Variants in C1orf185 observed in about 807,000 individuals in gnomAD.
C1orf185 encodes uncharacterized protein C1orf185.
In C1orf185, 13 loss-of-function variants were observed where a neutral mutation model predicts 16.1. The ratio of observed to expected loss-of-function variants is 0.81; its 90% CI spans 0.53 to 1.28. C1orf185 has a LOEUF of 1.28. C1orf185 is among the 50% of genes most tolerant of loss of function. C1orf185 has a pLI of 0.00. For missense variants in C1orf185, 220 were observed against 225.2 expected (o/e 0.98, Z 0.15); for synonymous variants, 80 against 76.9 (o/e 1.04, Z -0.21).
At chr1:51,120,275 T>C (rs1014817679) in intron 3 of C1orf185, among the ~76,000 whole-genome samples, 1 of 152,200 alleles carries the variant, frequency 6.6e-6, no homozygotes, top group African/African-American at 2.4e-5. Context: ...TGAAGGATTA[T>C]AGTAATATGG....
intron 3 of C1orf185, among the ~76,000 whole-genome samples, chr1:51,136,659 T>G (rs1646327376): frequency 6.6e-6 from 1 of 152,136 alleles, no homozygotes; most frequent in African/African-American, 2.4e-5. Context: ...GGGGGAAGAA[T>G]TCCCTATTCA....
chr1:51,123,693 A>C lies in C1orf185; in HGVS notation c.258+4892A>C, dbSNP rs149481411. 3.0e-4 allele frequency among the ~76,000 whole-genome samples: 45 copies of C among 152,208 alleles called. No individual in the cohort carries two copies. In the East Asian group the frequency reaches 5.6e-3, roughly 19 times the overall value. On this transcript the variant is annotated intron_variant, in intron 3 of 4. Transcript: ENST00000371759. ...GCATTTGTTGTTGTCAGTGTTTTGG[A>C]GTTTCACCATTCTAACAAATGTGTA...
chr1:51,122,753 T>C (rs1190367531), intron 3 of C1orf185, among the ~76,000 whole-genome samples: 1 of 152,230 alleles, frequency 6.6e-6, no homozygotes, highest in South Asian at 2.1e-4. Flanking sequence ...TCCCTCCCTC[T>C]GCTCTAACCC....
downstream of C1orf185, among the ~76,000 whole-genome samples, chr1:51,148,938 G>T (rs1646417301): frequency 6.6e-6 from 1 of 152,010 alleles, no homozygotes; most frequent in African/African-American, 2.4e-5. Context: ...TCAAAAAAAA[G>T]AATTTAGAAA....
chr1:51,146,203 A>C (rs1646399637), intron 4 of C1orf185, among the ~76,000 whole-genome samples: 1 of 152,128 alleles, frequency 6.6e-6, no homozygotes, highest in African/African-American at 2.4e-5. Context: ...TCATGCCTAT[A>C]ATCCCAGCAC....
intron 2 of C1orf185, among the ~76,000 whole-genome samples, chr1:51,114,836 A>G (rs1646146399): frequency 6.6e-6 from 1 of 152,248 alleles, no homozygotes; most frequent in South Asian, 2.1e-4. Flanking sequence ...ATGTACAGCT[A>G]TCAGTTTCAA....
At chr1:51,128,674 C>G (rs555360170) in intron 3 of C1orf185, among the ~76,000 whole-genome samples, 12 of 152,010 alleles carry the variant, frequency 7.9e-5, no homozygotes, top group African/African-American at 2.9e-4. Flanking sequence ...GCCTGGGTGA[C>G]AGAGCAAGAC....
chr1:51,142,091 T>G (rs2148032131), intron 3 of C1orf185, among the ~76,000 whole-genome samples: 1 of 152,326 alleles, frequency 6.6e-6, no homozygotes, highest in Middle Eastern at 3.4e-3. Flanking sequence ...CTCGCTTATA[T>G]TTTTAGAGCT....
intron 3 of C1orf185, among the ~76,000 whole-genome samples, chr1:51,131,784 C>T (rs563594181): frequency 2.0e-5 from 3 of 152,194 alleles, no homozygotes; most frequent in South Asian, 2.1e-4. Flanking sequence ...TAGAAATAGT[C>T]GTTTTCTGGC....
chr1:51,147,506 C>CA lies in C1orf185; in HGVS notation c.341dup (p.Asn114LysfsTer5), dbSNP rs1646408694. The CA allele has an allele frequency of 3.2e-6, 5 of 1,542,842 alleles. No individual in the cohort carries two copies. The highest frequency in any genetic ancestry group is 4.1e-5 in the Admixed American group (2 of 48,636). On this transcript the variant is annotated frameshift_variant, in exon 5 of 5. Coordinates refer to ENST00000371759, the MANE Select transcript of C1orf185 (RefSeq NM_001136508.2). LOFTEE classifies it low-confidence loss of function (END_TRUNC). ...TCTAAAGATGAACCCCAACTTGCAA[C>CA]AAAAAATATCATTTGTGATCCCTCA...
chr1:51,131,447 T>C (rs891057702), intron 3 of C1orf185, among the ~76,000 whole-genome samples: 2 of 152,184 alleles, frequency 1.3e-5, no homozygotes, highest in Admixed American at 6.5e-5. Flanking sequence ...AGTTTGTCAC[T>C]TTCTGGAGTT....
Position 51,147,892 on chromosome 1 carries a change from C to A in C1orf185, c.*121C>A. On this transcript the variant is annotated 3_prime_UTR_variant, in exon 5 of 5. Coordinates refer to ENST00000371759, the MANE Select transcript of C1orf185 (RefSeq NM_001136508.2). ...CTTTTGAAACCTTGTATACAATCAG[C>A]TTCTGAGTCTCTTAACATGTCCATG... 4.5e-6 allele frequency: 4 copies of A among 895,260 alleles called. No individual in the cohort carries two copies. Among genetic ancestry groups the A allele is most frequent in the Non-Finnish European group, 6.5e-6 (4 of 619,670 alleles). The allele number at this position is 895,260 out of a possible 1,614,324, so 55.5% of individuals were successfully genotyped here.
intron 4 of C1orf185, 49 bp from the exon 5 acceptor site, chr1:51,147,418 A>C: frequency 7.1e-7 from 1 of 1,415,958 alleles, no homozygotes; most frequent in Non-Finnish European, 9.4e-7. Flanking sequence ...CTTATAATTA[A>C]GAGTTGGCTT....
At chr1:51,103,770 G>A (rs1405134548) in intron 1 of C1orf185, among the ~76,000 whole-genome samples, 1 of 152,046 alleles carries the variant, frequency 6.6e-6, no homozygotes, top group Non-Finnish European at 1.5e-5. Context: ...CCTGACCTCA[G>A]GTGATCTGCC....
At chr1:51,143,386 T>C (rs1354298651) in intron 3 of C1orf185, among the ~76,000 whole-genome samples, 3 of 152,192 alleles carry the variant, frequency 2.0e-5, no homozygotes, top group Non-Finnish European at 2.9e-5. Flanking sequence ...TGTTATTTTA[T>C]TACCACTACG....
chr1:51,120,824 T>G (rs940124946), intron 3 of C1orf185, among the ~76,000 whole-genome samples: 3 of 152,152 alleles, frequency 2.0e-5, no homozygotes, highest in Admixed American at 6.5e-5. Context: ...ATGTAAGAAG[T>G]GCTTATATGC....
downstream of C1orf185, among the ~76,000 whole-genome samples, chr1:51,148,634 T>A (rs1231722627): frequency 6.6e-6 from 1 of 152,018 alleles, no homozygotes; most frequent in African/African-American, 2.4e-5. Flanking sequence ...AAATGCTGAA[T>A]CCAGAAAAGA....
chr1:51,144,668 A>T (rs1038058021), intron 3 of C1orf185, among the ~76,000 whole-genome samples: 1 of 152,136 alleles, frequency 6.6e-6, no homozygotes, highest in Non-Finnish European at 1.5e-5. Flanking sequence ...AGCTGTGATC[A>T]TGCCACTGCA....
intron 1 of C1orf185, among the ~76,000 whole-genome samples, chr1:51,107,543 G>C (rs1262066697): frequency 1.3e-5 from 2 of 151,958 alleles, no homozygotes; most frequent in African/African-American, 2.4e-5. Context: ...TACATAATTG[G>C]AATCATTGAA....
Sources: gnomAD v4.1 joint callset for allele counts (sites outside exome capture counted in the v4.1 genomes callset) on GRCh38, gnomAD v4.1.1 for gene constraint, MANE v1.5 for transcripts, NCBI Gene and HGNC (gene_info 2026-07-23, HGNC 2026-07-21) for gene names.